Variants in FNBP1L observed in about 807,000 individuals in gnomAD.
FNBP1L encodes the protein formin binding protein 1 like, also known as formin-binding protein 1-like.
Under a neutral mutation model 91.2 loss-of-function variants are expected in FNBP1L, and 36 were observed. The observed-to-expected ratio is 0.39, with a 90% CI of 0.30 to 0.52. The LOEUF (loss-of-function observed/expected upper bound fraction) is 0.52. Ranked by LOEUF, FNBP1L falls within the 20% of genes least tolerant of loss-of-function variation. The pLI, the probability that FNBP1L is intolerant of heterozygous loss-of-function variation, is 0.66. For missense variants in FNBP1L, 571 were observed against 732.1 expected (o/e 0.78, Z 2.54); for synonymous variants, 242 against 237.0 (o/e 1.02, Z -0.19).
chr1:93,476,705 A>T (rs568336717), intron 1 of FNBP1L, among the ~76,000 whole-genome samples: 1 of 152,140 alleles, frequency 6.6e-6, no homozygotes, highest in South Asian at 2.1e-4. Context: ...GAGTGGGCAG[A>T]GGGGGGGAGT....
At chr1:93,501,632 G>C (rs931355760) in intron 2 of FNBP1L, among the ~76,000 whole-genome samples, 3 of 152,020 alleles carry the variant, frequency 2.0e-5, no homozygotes, top group Admixed American at 2.0e-4. Flanking sequence ...ACCACTTTGG[G>C]AATCAAATTT....
intron 1 of FNBP1L, among the ~76,000 whole-genome samples, chr1:93,473,801 A>G (rs554437852): frequency 1.2e-4 from 19 of 152,280 alleles, no homozygotes; most frequent in African/African-American, 4.1e-4. Context: ...ATGGTGCATT[A>G]CCCTAGAGCT....
intron 5 of FNBP1L, among the ~76,000 whole-genome samples, chr1:93,528,334 G>C (rs1240536319): frequency 6.6e-6 from 1 of 152,056 alleles, no homozygotes; most frequent in South Asian, 2.1e-4. Context: ...AAACAAACAT[G>C]GTTTATACAA....
intron 2 of FNBP1L, among the ~76,000 whole-genome samples, chr1:93,507,059 ACACACACACAC>A (rs1670642831): frequency 1.0e-4 from 2 of 19,372 alleles, no homozygotes; most frequent in African/African-American, 1.3e-4. Flanking sequence ...AACATGGAAC[ACACACACACAC>A]ACACACACAC....
intron 1 of FNBP1L, among the ~76,000 whole-genome samples, chr1:93,450,036 C>T (rs1356353452): frequency 6.6e-6 from 1 of 151,974 alleles, no homozygotes; most frequent in African/African-American, 2.4e-5. Flanking sequence ...AAAAAGTAAA[C>T]ATAGGAAAAC....
At chr1:93,457,937 G>A (rs1238255522) in intron 1 of FNBP1L, among the ~76,000 whole-genome samples, 2 of 151,636 alleles carry the variant, frequency 1.3e-5, no homozygotes, top group East Asian at 1.9e-4. Context: ...GACTACAGGC[G>A]CCCGCCACCA....
chr1:93,458,790 C>G, intron 1 of FNBP1L, among the ~76,000 whole-genome samples: 1 of 152,330 alleles, frequency 6.6e-6, no homozygotes, highest in Middle Eastern at 3.4e-3. Context: ...AATAAACATT[C>G]ACATAACTTT....
intron 1 of FNBP1L, among the ~76,000 whole-genome samples, chr1:93,479,077 C>T (rs1669598297): frequency 6.6e-6 from 1 of 152,198 alleles, no homozygotes; most frequent in Admixed American, 6.5e-5. Flanking sequence ...TCTATTTTCC[C>T]TGTCGGCCGG....
chr1:93,504,713 C>G (rs1310514786), intron 2 of FNBP1L, among the ~76,000 whole-genome samples: 1 of 152,210 alleles, frequency 6.6e-6, no homozygotes, highest in Non-Finnish European at 1.5e-5. Flanking sequence ...TTCTGACTTG[C>G]ATTTCCCTGA....
chr1:93,545,767 T>G (rs1672202325), intron 12 of FNBP1L, among the ~76,000 whole-genome samples: 1 of 150,366 alleles, frequency 6.7e-6, no homozygotes, highest in Non-Finnish European at 1.5e-5. Flanking sequence ...AAAGGAGGAA[T>G]AGATAAAAGA....
intron 8 of FNBP1L, 84 bp downstream of exon 8, chr1:93,533,152 T>A (rs1176520047): frequency 8.4e-7 from 1 of 1,183,916 alleles, no homozygotes; most frequent in East Asian, 2.4e-5. Flanking sequence ...GAGAAAGGGA[T>A]AAAGTAATCT....
chr1:93,533,147 A>C (rs1671740265), intron 8 of FNBP1L, 79 bp downstream of exon 8: 1 of 1,294,500 alleles, frequency 7.7e-7, no homozygotes, highest in Non-Finnish European at 1.1e-6. Context: ...GAGTTGAGAA[A>C]GGGATAAAGT....
intron 2 of FNBP1L, among the ~76,000 whole-genome samples, chr1:93,516,229 G>C (rs893473521): frequency 2.6e-5 from 4 of 152,122 alleles, no homozygotes; most frequent in Admixed American, 2.0e-4. Context: ...TGTTGACACT[G>C]TGGCTGGCAG....
At chr1:93,545,120 G>A (rs111739851) in intron 12 of FNBP1L, among the ~76,000 whole-genome samples, 119 of 152,060 alleles carry the variant, frequency 7.8e-4, no homozygotes, top group African/African-American at 2.8e-3. Context: ...ACTCATGCTT[G>A]AACAAAGCTT....
chr1:93,525,648 G>T (rs763042989), intron 5 of FNBP1L, among the ~76,000 whole-genome samples: 1 of 152,086 alleles, frequency 6.6e-6, no homozygotes, highest in Non-Finnish European at 1.5e-5. Flanking sequence ...CTTAATAGGT[G>T]CCAACTTGCC....
chr1:93,509,854 G>A (rs993105367), intron 2 of FNBP1L, among the ~76,000 whole-genome samples: 4 of 152,048 alleles, frequency 2.6e-5, no homozygotes, highest in Non-Finnish European at 4.4e-5. Context: ...GGAGACAGAC[G>A]GCATCTGGAA....
At chr1:93,505,078 A>G (rs1670563159) in intron 2 of FNBP1L, among the ~76,000 whole-genome samples, 1 of 139,804 alleles carries the variant, frequency 7.2e-6, no homozygotes, top group Admixed American at 7.1e-5. Flanking sequence ...TTGAGTTAAT[A>G]TTTGTATGTG....
chr1:93,491,941 A>AT (rs1670106454), intron 1 of FNBP1L, among the ~76,000 whole-genome samples: 3 of 152,212 alleles, frequency 2.0e-5, no homozygotes, highest in Non-Finnish European at 4.4e-5. Flanking sequence ...AATTTTTATA[A>AT]TTTGTAACTT....
intron 15 of FNBP1L, among the ~76,000 whole-genome samples, chr1:93,549,706 C>G (rs1303418088): frequency 6.6e-6 from 1 of 152,202 alleles, no homozygotes; most frequent in Non-Finnish European, 1.5e-5. Flanking sequence ...TCACCAGAGT[C>G]CTTACTGTGC....
Sources: allele counts gnomAD v4.1 joint callset (sites outside exome capture counted in the v4.1 genomes callset), GRCh38; gene constraint gnomAD v4.1.1; transcripts MANE v1.5; gene names NCBI Gene and HGNC (gene_info 2026-07-23, HGNC 2026-07-21).